The following ATP13A4 variants were observed in gnomAD, a reference collection of about 807,000 sequenced individuals.
The protein encoded by ATP13A4 is probable cation-transporting ATPase 13A4.
In ATP13A4, 114 loss-of-function variants were observed where a neutral mutation model predicts 142.5. The observed-to-expected ratio is 0.80, with a 90% CI of 0.69 to 0.93. The LOEUF is 0.93. Among genes scored for constraint, ATP13A4 ranks in the 40% least tolerant of loss-of-function variants. The pLI, the probability that ATP13A4 is intolerant of heterozygous loss-of-function variation, is 0.00. For synonymous variants in ATP13A4, 488 were observed against 514.8 expected (o/e 0.95, Z 0.70); for missense variants, 1,392 against 1,454.0 (o/e 0.96, Z 0.69).
intron 2 of ATP13A4, among the ~76,000 whole-genome samples, chr3:193,573,292 C>T (rs1199229251): frequency 0.22 from 23,377 of 106,604 alleles, 3,410 homozygotes; most frequent in African/African-American, 0.34. Context: ...TATATATACA[C>T]ATATATATAT....
At chr3:193,484,226 A>G (rs899914317) in intron 7 of ATP13A4, among the ~76,000 whole-genome samples, 2 of 152,064 alleles carry the variant, frequency 1.3e-5, no homozygotes, top group African/African-American at 4.8e-5. Context: ...TTCAGCAGAA[A>G]GGAATTTCCC....
In ATP13A4 at chr3:193,501,559, C is replaced by T. The variant is rs573012270; in HGVS notation, c.381+934G>A. 4.7e-5 allele frequency among the ~76,000 whole-genome samples: 7 copies of T among 149,918 alleles called. No homozygotes were observed. In the East Asian group the frequency reaches 9.9e-4, roughly 21 times the overall value. On this transcript the variant is annotated intron_variant, in intron 3 of 29. Transcript: ENST00000342695. ...GCCAAGACAGCGCCATTGCACTCCACCCTGGGCAACAAGAGTGAAACTCCA... is the reference window on the plus strand; with the variant it reads ...GCCAAGACAGCGCCATTGCACTCCATCCTGGGCAACAAGAGTGAAACTCCA...
At chr3:193,515,367 T>C (rs1289821663) in intron 1 of ATP13A4, among the ~76,000 whole-genome samples, 1 of 152,188 alleles carries the variant, frequency 6.6e-6, no homozygotes, top group African/African-American at 2.4e-5. Context: ...TTCCCTTGGC[T>C]GGGATCAGCA....
chr3:193,402,610 T>A lies in ATP13A4; in HGVS notation c.*42A>T. 3 of 799,782 alleles carry A rather than the reference T, an allele frequency of 3.8e-6. No individual in the cohort carries two copies. The highest frequency in any genetic ancestry group is 6.9e-6 in the Non-Finnish European group (3 of 436,332). 49.5% of individuals were successfully genotyped at this position (799,782 alleles called of 1,614,324 possible). A position where few individuals can be genotyped will look rare whatever the true frequency, so the allele number is the denominator to read the frequency against. ...AAATCAATGAAACTGGTCCCTTTTG[T>A]CATTGTTTCTCTGTAATATCAACTT... is the stretch of plus-strand genomic sequence containing the variant. On this transcript the variant is annotated 3_prime_UTR_variant, in exon 30 of 30. Coordinates refer to ENST00000342695, the MANE Select transcript of ATP13A4 (RefSeq NM_032279.4).
At chr3:193,403,075 G>A (rs1178319365) in intron 29 of ATP13A4, among the ~76,000 whole-genome samples, 1 of 152,316 alleles carries the variant, frequency 6.6e-6, no homozygotes, top group Non-Finnish European at 1.5e-5. Context: ...GGAGAAGTAA[G>A]AGGTACAACA....
intron 1 of ATP13A4, among the ~76,000 whole-genome samples, chr3:193,588,401 T>C (rs1161744421): frequency 6.6e-6 from 1 of 152,228 alleles, no homozygotes; most frequent in Non-Finnish European, 1.5e-5. Flanking sequence ...AGCTTTTCTA[T>C]ATTTGTGACT....
chr3:193,410,919 C>A, intron 28 of ATP13A4, 63 bp downstream of exon 28: 1 of 1,089,672 alleles, frequency 9.2e-7, no homozygotes, highest in Non-Finnish European at 1.4e-6. Context: ...TTGTGATCTG[C>A]TTTTTAAAGT....
intron 8 of ATP13A4, among the ~76,000 whole-genome samples, chr3:193,478,661 G>A (rs1320563020): frequency 1.3e-5 from 2 of 152,144 alleles, no homozygotes; most frequent in East Asian, 3.9e-4. Context: ...AGGACCAGAT[G>A]GATTCACAGC....
chr3:193,576,425 C>A (rs1724397814), intron 2 of ATP13A4, among the ~76,000 whole-genome samples: 1 of 149,928 alleles, frequency 6.7e-6, no homozygotes, highest in Non-Finnish European at 1.5e-5. Flanking sequence ...GCGCCCGCCA[C>A]CGCGCCCGGC....
chr3:193,578,772 G>A (rs1724466605), intron 2 of ATP13A4: 2 of 152,706 alleles, frequency 1.3e-5, no homozygotes, highest in Non-Finnish European at 2.9e-5. Context: ...CTCCTCCCAG[G>A]AGCTGGACAC....
intron 7 of ATP13A4, among the ~76,000 whole-genome samples, chr3:193,486,447 T>C (rs916790712): frequency 2.0e-5 from 3 of 152,196 alleles, no homozygotes; most frequent in Non-Finnish European, 2.9e-5. Context: ...TGCCAGGGGA[T>C]ATTTAGGAAA....
At position 193,434,118 on chromosome 3, in the gene ATP13A4, G is replaced by A. The variant is rs558560095; in HGVS notation, c.2770-201C>T. On this transcript the variant is annotated intron_variant, in intron 24 of 29. Transcript: ENST00000342695. ...GCCAAACCTGTGAAACCCTCTCTAT[G>A]CAGGGGGCCTATCATCATGTGCTTT... is the stretch of plus-strand genomic sequence containing the variant. Among the ~76,000 whole-genome samples the A allele has an allele frequency of 2.0e-4, 31 of 152,244 alleles. No individual in the cohort carries two copies. The South Asian group carries it at 6.4e-3, about 32-fold the overall frequency.
At chr3:193,586,851 T>A (rs950326358) in intron 1 of ATP13A4, among the ~76,000 whole-genome samples, 1 of 152,198 alleles carries the variant, frequency 6.6e-6, no homozygotes, top group African/African-American at 2.4e-5. Flanking sequence ...TTAGAATATT[T>A]TGTTAATTTC....
At chr3:193,487,377 C>T (rs1719691638) in intron 7 of ATP13A4, among the ~76,000 whole-genome samples, 4 of 152,134 alleles carry the variant, frequency 2.6e-5, no homozygotes, top group Non-Finnish European at 4.4e-5. Flanking sequence ...ATGCTCAACT[C>T]GTAATGGAAA....
At chr3:193,537,807 G>A (rs530572290) in intron 1 of ATP13A4, among the ~76,000 whole-genome samples, 1 of 152,210 alleles carries the variant, frequency 6.6e-6, no homozygotes, top group African/African-American at 2.4e-5. Context: ...AACAACCTGG[G>A]TCAATTTCCA....
chr3:193,555,220 A>T, upstream of ATP13A4: 2 of 302,044 alleles, frequency 6.6e-6, no homozygotes, highest in South Asian at 3.3e-5. Context: ...GGGTGCAAGA[A>T]CTCCCAGGTC....
chr3:193,448,047 T>G (rs1560193685), intron 18 of ATP13A4, among the ~76,000 whole-genome samples, 159 bp downstream of exon 18: 1 of 152,234 alleles, frequency 6.6e-6, no homozygotes, highest in Non-Finnish European at 1.5e-5. Flanking sequence ...ACATGGAAAC[T>G]CAGGGAAAGC....
intron 8 of ATP13A4, among the ~76,000 whole-genome samples, chr3:193,483,681 G>A (rs1032917435): frequency 6.6e-6 from 1 of 152,218 alleles, no homozygotes; most frequent in African/African-American, 2.4e-5. Flanking sequence ...AGCCAGGATC[G>A]TCTCGATCTC....
At chr3:193,424,144 C>A (rs778431563) in intron 25 of ATP13A4, among the ~76,000 whole-genome samples, 36 of 145,966 alleles carry the variant, frequency 2.5e-4, no homozygotes, top group Non-Finnish European at 4.7e-4. Context: ...AATCTCTATA[C>A]TGGAAACTAT....
Sources: allele counts gnomAD v4.1 joint callset (sites outside exome capture counted in the v4.1 genomes callset), GRCh38; gene constraint gnomAD v4.1.1; transcripts MANE v1.5; gene names NCBI Gene and HGNC (gene_info 2026-07-23, HGNC 2026-07-21).